Variants in TRPM3 observed in about 807,000 individuals in gnomAD.
The protein encoded by TRPM3 is transient receptor potential cation channel subfamily M member 3.
A neutral mutation model predicts 181.2 loss-of-function variants in TRPM3; 77 were observed. That is an observed-to-expected ratio of 0.42 (90% CI 0.35 to 0.51). The LOEUF (loss-of-function observed/expected upper bound fraction) is 0.51, where lower values mean the gene tolerates loss of function less well. Ranked by LOEUF, TRPM3 falls within the 20% of genes least tolerant of loss-of-function variation. The probability of loss-of-function intolerance (pLI) is 0.01; values close to 1 mark genes in which losing one functional copy is unlikely to be tolerated. For synonymous variants in TRPM3, 745 were observed against 796.4 expected (o/e 0.94, Z 1.09); for missense variants, 1,759 against 2,196.7 (o/e 0.80, Z 3.98).
chr9:71,232,213 G>A (rs1040577031), intron 1 of TRPM3, among the ~76,000 whole-genome samples: 1 of 152,114 alleles, frequency 6.6e-6, no homozygotes, highest in Non-Finnish European at 1.5e-5. Flanking sequence ...ATCTAGCAAT[G>A]GGCTGGCACA....
intron 1 of TRPM3, among the ~76,000 whole-genome samples, chr9:70,953,733 AGTGAG>A (rs2097031472): frequency 6.6e-6 from 1 of 152,136 alleles, no homozygotes; most frequent in Admixed American, 6.6e-5. Context: ...AGAACACTCC[AGTGAG>A]TTGGGAGGTA....
At chr9:71,057,009 G>A (rs1390844355) in intron 1 of TRPM3, among the ~76,000 whole-genome samples, 3 of 152,004 alleles carry the variant, frequency 2.0e-5, no homozygotes, top group Non-Finnish European at 4.4e-5. Flanking sequence ...ACAAGCATGG[G>A]TGCTGTGTTT....
intron 22 of TRPM3, among the ~76,000 whole-genome samples, chr9:70,568,054 A>G (rs1383422725): frequency 6.6e-6 from 1 of 152,222 alleles, no homozygotes; most frequent in African/African-American, 2.4e-5. Context: ...ACAAGATATA[A>G]GGGAGTAGCC....
intron 22 of TRPM3, among the ~76,000 whole-genome samples, chr9:70,573,972 T>TCACACACACACACA (rs59193514): frequency 4.0e-4 from 56 of 141,038 alleles, no homozygotes; most frequent in South Asian, 7.0e-4. Flanking sequence ...GCAATTCATT[T>TCACACACACACACA]CACACACACA....
chr9:71,340,496 C>A (rs1351394776), intron 1 of TRPM3, among the ~76,000 whole-genome samples: 1 of 152,064 alleles, frequency 6.6e-6, no homozygotes, highest in Admixed American at 6.6e-5. Flanking sequence ...CTCACGAGAT[C>A]TGATGGTTTT....
In TRPM3 at chr9:70,745,007, C is replaced by T. The variant is rs559617638; in HGVS notation, c.1272+16594G>A. On this transcript the variant is annotated intron_variant, in intron 8 of 25. Coordinates refer to ENST00000677713, the MANE Select transcript of TRPM3 (RefSeq NM_001366145.2). ...CTCTGTAAAATGGAGATACTAATACCGACCTCAGCAAGGTTGATTTTTGTA... is the reference window on the plus strand; with the variant it reads ...CTCTGTAAAATGGAGATACTAATACTGACCTCAGCAAGGTTGATTTTTGTA... Among the ~76,000 whole-genome samples, 25 of 152,110 alleles carry T rather than the reference C, an allele frequency of 1.6e-4. No individual in the cohort carries two copies. The South Asian group carries it at 4.8e-3, about 29-fold the overall frequency.
chr9:71,413,788 T>C (rs2093597462), intron 1 of TRPM3, among the ~76,000 whole-genome samples: 2 of 151,992 alleles, frequency 1.3e-5, no homozygotes. Flanking sequence ...GCTGAGAGAC[T>C]GGGCCCTAAC....
At position 70,683,428 on chromosome 9, in the gene TRPM3, C is replaced by CTTTTTTTTTTTTTTTTTTTTT. The variant is rs575176948; in HGVS notation, c.1273-1871_1273-1851dup. ...CCTTTTCTCTCTTTCTCTCTCTCTC[C>CTTTTTTTTTTTTTTTTTTTTT]TTTTTTTTTTTTTTTTTTTTTTTTT... is the stretch of plus-strand genomic sequence containing the variant. On this transcript the variant is annotated intron_variant, in intron 8 of 25. Coordinates refer to ENST00000677713, the MANE Select transcript of TRPM3 (RefSeq NM_001366145.2). Among the ~76,000 whole-genome samples, 19 of 57,470 alleles carry CTTTTTTTTTTTTTTTTTTTTT rather than the reference C, an allele frequency of 3.3e-4. 2 individuals carry two copies. The highest frequency in any genetic ancestry group is 7.6e-4 in the Admixed American group (3 of 3,944). 37.7% of individuals were successfully genotyped at this position (57,470 alleles called of 152,430 possible). A position where few individuals can be genotyped will look rare whatever the true frequency, so the allele number is the denominator to read the frequency against.
chr9:71,427,800 G>T (rs1223903563), intron 1 of TRPM3, among the ~76,000 whole-genome samples: 1 of 152,072 alleles, frequency 6.6e-6, no homozygotes, highest in Non-Finnish European at 1.5e-5. Context: ...ACTACCTCCT[G>T]AGTACTATGC....
intron 7 of TRPM3, 78 bp downstream of exon 7, chr9:70,784,026 AC>A: frequency 3.3e-6 from 5 of 1,521,540 alleles, no homozygotes; most frequent in Non-Finnish European, 3.5e-6. Context: ...TGGTTGAGCT[AC>A]TGAAAACATA....
At chr9:70,772,180 C>T (rs970318868) in intron 7 of TRPM3, among the ~76,000 whole-genome samples, 1 of 152,102 alleles carries the variant, frequency 6.6e-6, no homozygotes, top group Non-Finnish European at 1.5e-5. Flanking sequence ...GTAGCTGTTA[C>T]TCACATGTGG....
chr9:70,931,710 C>T (rs1447894494), intron 1 of TRPM3, among the ~76,000 whole-genome samples: 1 of 152,026 alleles, frequency 6.6e-6, no homozygotes, highest in Non-Finnish European at 1.5e-5. Context: ...GTATTCTACT[C>T]ATACTTTTTG....
At chr9:71,378,907 T>C (rs2132855589) in intron 1 of TRPM3, among the ~76,000 whole-genome samples, 1 of 152,148 alleles carries the variant, frequency 6.6e-6, no homozygotes, top group East Asian at 1.9e-4. Context: ...CACAGTGATA[T>C]AATTTAGATT....
chr9:70,644,907 C>A (rs4745018), intron 9 of TRPM3, among the ~76,000 whole-genome samples: 61,314 of 151,836 alleles, frequency 0.4, 13,398 homozygotes, highest in African/African-American at 0.57. Context: ...ATTTCTATAC[C>A]TCAATAATAG....
chr9:70,956,281 C>A (rs1420227294), intron 1 of TRPM3, among the ~76,000 whole-genome samples: 3 of 140,234 alleles, frequency 2.1e-5, no homozygotes, highest in African/African-American at 7.9e-5. Flanking sequence ...CTCATCTCTA[C>A]CAGGAGAAAT....
intron 1 of TRPM3, among the ~76,000 whole-genome samples, chr9:71,351,258 CT>C (rs1195380853): frequency 6.6e-6 from 1 of 152,206 alleles, no homozygotes; most frequent in Non-Finnish European, 1.5e-5. Flanking sequence ...TAACCAGCTA[CT>C]ATCTATTTAG....
intron 21 of TRPM3, among the ~76,000 whole-genome samples, chr9:70,596,109 G>A (rs1415822588): frequency 6.6e-6 from 1 of 152,078 alleles, no homozygotes; most frequent in Non-Finnish European, 1.5e-5. Context: ...CACCAACTAT[G>A]AGCCAGACAC....
chr9:70,872,930 A>T (rs2095812769), intron 1 of TRPM3, among the ~76,000 whole-genome samples: 1 of 151,966 alleles, frequency 6.6e-6, no homozygotes, highest in South Asian at 2.1e-4. Flanking sequence ...CATCCTAAAA[A>T]TGCCCAGATA....
rs965564973 is a variant in TRPM3 at position 70,969,813 on chromosome 9, G to C, written c.178-105302C>G. Among the ~76,000 whole-genome samples, 5 of 141,442 alleles carry C rather than the reference G, an allele frequency of 3.5e-5. No individual in the cohort carries two copies. The East Asian group carries it at 1.0e-3, about 29-fold the overall frequency. The allele number at this position is 141,442 out of a possible 152,430, so 92.8% of individuals were successfully genotyped here. A position where few individuals can be genotyped will look rare whatever the true frequency, so the allele number is the denominator to read the frequency against. On this transcript the variant is annotated intron_variant, in intron 1 of 25. Transcript: ENST00000677713. The stretch of plus-strand genomic sequence containing the variant: ...ACACTAAGAAATTATATAATTATGT[G>C]TATGTTATATATATATTTAAGAATA...
Sources: gnomAD v4.1 joint callset for allele counts (sites outside exome capture counted in the v4.1 genomes callset) on GRCh38, gnomAD v4.1.1 for gene constraint, MANE v1.5 for transcripts, NCBI Gene and HGNC (gene_info 2026-07-23, HGNC 2026-07-21) for gene names.